Variants in VAMP7 observed in about 807,000 individuals in gnomAD.
VAMP7 encodes the protein vesicle-associated membrane protein 7.
In VAMP7, 14 loss-of-function variants were observed where a neutral mutation model predicts 29.6. The ratio of observed to expected loss-of-function variants is 0.47; its 90% confidence interval spans 0.31 to 0.74. The LOEUF is 0.74. Ranked by LOEUF, VAMP7 falls within the 30% of genes least tolerant of loss-of-function variation. VAMP7 has a pLI of 0.05. For missense variants in VAMP7, 223 were observed against 262.4 expected, an observed-to-expected ratio of 0.85 and a Z score of 1.04; for synonymous variants, 95 against 88.1, an observed-to-expected ratio of 1.08 and a Z score of -0.44.
chrX:155,919,392 T>C (rs1028642165), intron 5 of VAMP7, among the ~76,000 whole-genome samples: 2 of 152,218 alleles, frequency 1.3e-5, no homozygotes, highest in African/African-American at 2.4e-5. Flanking sequence ...CATATAGTTG[T>C]TAATAGTATT....
chrX:155,909,546 T>G (rs1031130243), intron 5 of VAMP7, among the ~76,000 whole-genome samples: 1 of 152,192 alleles, frequency 6.6e-6, no homozygotes, highest in Non-Finnish European at 1.5e-5. Flanking sequence ...CTTTTCTAGA[T>G]CCATAAGGTA....
chrX:155,908,455 G>GGCAGGGAGGTT (rs1246502554), intron 5 of VAMP7, among the ~76,000 whole-genome samples: 1 of 152,144 alleles, frequency 6.6e-6, no homozygotes, highest in East Asian at 1.9e-4. Context: ...AGGAGAATCA[G>GGCAGGGAGGTT]GCAGGGAGGT....
intron 7 of VAMP7, 74 bp downstream of exon 7, chrX:155,939,867 A>G: frequency 1.7e-6 from 2 of 1,207,768 alleles, no homozygotes; most frequent in Non-Finnish European, 2.5e-6. Flanking sequence ...ATTATTTCTC[A>G]ATGATTAACA....
chrX:155,939,690 C>A lies in VAMP7; in HGVS notation c.502-11C>A. 1 of 1,610,586 alleles carries A rather than the reference C, an allele frequency of 6.2e-7. No homozygotes were observed. The highest frequency in any genetic ancestry group is 8.5e-7 in the Non-Finnish European group (1 of 1,176,890). On this transcript the variant is annotated splice_polypyrimidine_tract_variant and intron_variant, in intron 6 of 7. Coordinates refer to ENST00000286448, the MANE Select transcript of VAMP7 (RefSeq NM_005638.6). ...GTGCCAGGGGTTAAACAATTCTCGCCTCTTTTCTAGTCTGTCACCTTCAAA... is the reference window on the plus strand; with the variant it reads ...GTGCCAGGGGTTAAACAATTCTCGCATCTTTTCTAGTCTGTCACCTTCAAA...
chrX:155,940,315 C>A (rs2124412941), intron 7 of VAMP7, among the ~76,000 whole-genome samples: 1 of 152,188 alleles, frequency 6.6e-6, no homozygotes, highest in Non-Finnish European at 1.5e-5. Context: ...CCCCATCCTC[C>A]AGTCATGTCC....
intron 5 of VAMP7, among the ~76,000 whole-genome samples, chrX:155,912,128 A>C (rs375031318): frequency 4.0e-4 from 61 of 152,140 alleles, no homozygotes; most frequent in African/African-American, 1.4e-3. Flanking sequence ...GTTTGTCATA[A>C]ATGGCCTTTA....
At chrX:155,920,455 T>C (rs1177683455) in intron 6 of VAMP7, among the ~76,000 whole-genome samples, 1 of 152,140 alleles carries the variant, frequency 6.6e-6, no homozygotes, top group Non-Finnish European at 1.5e-5. Context: ...GACAGATATA[T>C]GGTGAACAGA....
At chrX:155,882,456 T>C (rs1443569265) in intron 1 of VAMP7, among the ~76,000 whole-genome samples, 5 of 152,218 alleles carry the variant, frequency 3.3e-5, no homozygotes, top group South Asian at 2.1e-4. Flanking sequence ...GAAAGAATAG[T>C]TGTAATACCA....
Position 155,943,725 on chromosome X carries a change from C to T in VAMP7, c.*1774C>T, listed in dbSNP as rs950414439. ...AAAGCACATGTCTCATTTTAAATGA[C>T]GCACAAACTGAAGATGTTAATAAAA... On this transcript the variant is annotated 3_prime_UTR_variant, in exon 8 of 8. Transcript: ENST00000286448. The T allele has an allele frequency of 8.5e-5, 13 of 152,196 alleles. No individual in the cohort carries two copies. The highest frequency in any genetic ancestry group is 1.3e-4 in the Non-Finnish European group (9 of 68,008). The allele number at this position is 152,196 out of a possible 1,614,324, so 9.4% of individuals were successfully genotyped here.
intron 6 of VAMP7, among the ~76,000 whole-genome samples, chrX:155,922,510 G>A (rs2066410734): frequency 6.6e-6 from 1 of 151,844 alleles, no homozygotes; most frequent in Non-Finnish European, 1.5e-5. Flanking sequence ...AGTTAGTATG[G>A]CAAATTACAT....
intron 6 of VAMP7, among the ~76,000 whole-genome samples, chrX:155,926,161 C>T (rs1306541107): frequency 5.3e-5 from 8 of 152,154 alleles, no homozygotes; most frequent in Admixed American, 4.6e-4. Context: ...AGCTTAAAGT[C>T]ATCAGCTGCA....
intron 7 of VAMP7, 107 bp downstream of exon 7, chrX:155,939,900 C>T: frequency 5.2e-6 from 5 of 957,550 alleles, no homozygotes; most frequent in Non-Finnish European, 6.6e-6. Flanking sequence ...CTACATATGT[C>T]TTTTAATAGT....
chrX:155,904,164 A>C (rs1389483845), intron 5 of VAMP7, among the ~76,000 whole-genome samples: 1 of 136,516 alleles, frequency 7.3e-6, no homozygotes, highest in Non-Finnish European at 1.5e-5. Flanking sequence ...ATGAGAACAC[A>C]TGGACACAGG....
chrX:155,941,877 C>T lies in VAMP7; in HGVS notation c.595-6C>T, dbSNP rs1314683416. The T allele has an allele frequency of 3.1e-6, 5 of 1,613,406 alleles. No individual in the cohort carries two copies. The highest frequency in any genetic ancestry group is 2.2e-5 in the East Asian group (1 of 44,832). On this transcript the variant is annotated splice_polypyrimidine_tract_variant and splice_region_variant and intron_variant, in intron 7 of 7. Transcript: ENST00000286448. ...GAAAATAAAATTGCTCTCCTCGTCCCTCCAGGTGTTCATCTATATCATTGT... is the reference window on the plus strand; with the variant it reads ...GAAAATAAAATTGCTCTCCTCGTCCTTCCAGGTGTTCATCTATATCATTGT...
intron 6 of VAMP7, among the ~76,000 whole-genome samples, chrX:155,926,600 G>T (rs762295744): frequency 6.6e-6 from 1 of 152,280 alleles, no homozygotes; most frequent in South Asian, 2.1e-4. Flanking sequence ...CTCCATATCA[G>T]CAGTAAGTCT....
rs769642531 is a variant in VAMP7 at position 155,895,339 on chromosome X, C to T, written c.147-284C>T. Among the ~76,000 whole-genome samples, 6 of 152,300 alleles carry T rather than the reference C, an allele frequency of 3.9e-5. No homozygotes were observed. The East Asian group carries it at 1.2e-3, about 29-fold the overall frequency. On this transcript the variant is annotated intron_variant, in intron 2 of 7. Coordinates refer to ENST00000286448, the MANE Select transcript of VAMP7 (RefSeq NM_005638.6). ...CCTAAGATGTCATCTCTTGTTCATGCTTTAAGAGTCCAATTATGCTTTTGC... is the reference window on the plus strand; with the variant it reads ...CCTAAGATGTCATCTCTTGTTCATGTTTTAAGAGTCCAATTATGCTTTTGC...
intron 6 of VAMP7, among the ~76,000 whole-genome samples, chrX:155,928,663 C>T (rs1040387846): frequency 6.6e-6 from 1 of 152,138 alleles, no homozygotes; most frequent in African/African-American, 2.4e-5. Context: ...AGATTCTTGA[C>T]ATAATCACAT....
intron 6 of VAMP7, among the ~76,000 whole-genome samples, chrX:155,934,884 A>AC (rs961252071): frequency 3.3e-4 from 7 of 21,344 alleles, no homozygotes; most frequent in South Asian, 1.2e-3. Context: ...GAGCTCTTGT[A>AC]AGGCAGGCCT....
chrX:155,907,418 C>T (rs1056455009), intron 5 of VAMP7, among the ~76,000 whole-genome samples: 12 of 151,908 alleles, frequency 7.9e-5, no homozygotes, highest in African/African-American at 2.4e-4. Context: ...GAGGACCCTG[C>T]GGCCTTCCAC....
Sources: gnomAD v4.1 joint callset for allele counts (sites outside exome capture counted in the v4.1 genomes callset) on GRCh38, gnomAD v4.1.1 for gene constraint, MANE v1.5 for transcripts, NCBI Gene and HGNC (gene_info 2026-07-23, HGNC 2026-07-21) for gene names.